KYNU: variants seen among roughly 807,000 people sequenced by gnomAD.
The protein encoded by KYNU is L-kynurenine hydrolase.
A neutral mutation model predicts 59.2 loss-of-function variants in KYNU; 54 were observed. The observed-to-expected ratio is 0.91, with a 90% CI of 0.73 to 1.14. The LOEUF is 1.14. Ranked by LOEUF, KYNU falls within the 50% of genes most tolerant of loss-of-function variation. The pLI is 0.00. For missense variants in KYNU, 567 were observed against 554.4 expected, an observed-to-expected ratio of 1.02 and a Z score of -0.23; for synonymous variants, 177 against 192.0, an observed-to-expected ratio of 0.92 and a Z score of 0.65.
intron 10 of KYNU, among the ~76,000 whole-genome samples, chr2:142,993,534 T>C (rs964633684): frequency 1.3e-5 from 2 of 152,040 alleles, no homozygotes; most frequent in Non-Finnish European, 2.9e-5. Context: ...ATCTGTGGAA[T>C]CATGACATAC....
At chr2:142,912,371 C>CTTTTTTTTTT (rs60854220) in intron 2 of KYNU, among the ~76,000 whole-genome samples, 41 of 89,520 alleles carry the variant, frequency 4.6e-4, no homozygotes, top group Non-Finnish European at 6.4e-4. Context: ...TTTTGTATTT[C>CTTTTTTTTTT]TTTTTTTTTT....
intron 10 of KYNU, among the ~76,000 whole-genome samples, chr2:143,022,685 A>G (rs1195956826): frequency 6.6e-6 from 1 of 151,948 alleles, no homozygotes; most frequent in Non-Finnish European, 1.5e-5. Flanking sequence ...TATTTCTCCT[A>G]TTAAAATCTA....
intron 10 of KYNU, among the ~76,000 whole-genome samples, chr2:142,995,413 G>T (rs1421617230): frequency 6.6e-6 from 1 of 152,034 alleles, no homozygotes; most frequent in Non-Finnish European, 1.5e-5. Flanking sequence ...ATTTACAGAT[G>T]GGTGGGCAAA....
In KYNU at chr2:142,994,110, T is replaced by G. The variant is rs1403765502; in HGVS notation, c.902+8089T>G. 2.0e-5 allele frequency among the ~76,000 whole-genome samples: 3 copies of G among 152,110 alleles called. No homozygotes were observed. In the East Asian group the frequency reaches 5.8e-4, roughly 30 times the overall value. ...TATTTTTTTTTCTTACTATTAATCG[T>G]GAAGAGCTATTGCTACATTTTCATG... On this transcript the variant is annotated intron_variant, in intron 10 of 13. Coordinates refer to ENST00000264170, the MANE Select transcript of KYNU (RefSeq NM_003937.3).
At position 143,052,139 on chromosome 2, in the gene KYNU, A is replaced by G. The variant is rs1311057676; in HGVS notation, c.*9967A>G. On this transcript the variant is annotated 3_prime_UTR_variant, in exon 14 of 14. Transcript: ENST00000264170. ...ACTGGAGGCATTTTGCCCCTGCCCT[A>G]GAGATTTGTGGGACATTAAACTTGA... 4 of 152,248 alleles carry G rather than the reference A, an allele frequency of 2.6e-5. No homozygotes were observed. The highest frequency in any genetic ancestry group is 2.4e-5 in the African/African-American group (1 of 41,472). The allele number at this position is 152,248 out of a possible 1,614,324, so 9.4% of individuals were successfully genotyped here. A position where few individuals can be genotyped will look rare whatever the true frequency, so the allele number is the denominator to read the frequency against.
intron 8 of KYNU, among the ~76,000 whole-genome samples, chr2:142,961,275 CTTTTTTTT>C (rs1156276566): frequency 3.2e-5 from 3 of 94,436 alleles, no homozygotes; most frequent in Admixed American, 1.2e-4. Context: ...ATTTAAACTG[CTTTTTTTT>C]TTTTTTTTTT....
At chr2:142,952,769 C>T (rs1328657464) in intron 4 of KYNU, among the ~76,000 whole-genome samples, 1 of 152,108 alleles carries the variant, frequency 6.6e-6, no homozygotes, top group Non-Finnish European at 1.5e-5. Context: ...CAGAAAGCCT[C>T]CTTTTTCCTG....
chr2:143,042,365 G>C lies in KYNU; in HGVS notation c.*193G>C. 2 of 551,514 alleles carry C rather than the reference G, an allele frequency of 3.6e-6. No individual in the cohort carries two copies. The highest frequency in any genetic ancestry group is 6.3e-6 in the Non-Finnish European group (2 of 319,412). 34.2% of individuals were successfully genotyped at this position (551,514 alleles called of 1,614,324 possible). On this transcript the variant is annotated 3_prime_UTR_variant, in exon 14 of 14. Coordinates refer to ENST00000264170, the MANE Select transcript of KYNU (RefSeq NM_003937.3). ...ACTAAGGAGTCCACAGGGCTGCCTA[G>C]GTGCTTTGTGTTTGGGGGACCAAAA...
intron 10 of KYNU, among the ~76,000 whole-genome samples, chr2:143,019,082 A>T (rs1686338177): frequency 6.6e-6 from 1 of 152,096 alleles, no homozygotes; most frequent in South Asian, 2.1e-4. Context: ...ATCAGTTAAG[A>T]GAGATAATTT....
At chr2:143,013,865 C>G (rs1686181191) in intron 10 of KYNU, among the ~76,000 whole-genome samples, 1 of 152,190 alleles carries the variant, frequency 6.6e-6, no homozygotes, top group Admixed American at 6.5e-5. Context: ...TGTGCTTGTA[C>G]CCTTTTGGTC....
chr2:142,925,699 G>C (rs1280854186), intron 3 of KYNU, among the ~76,000 whole-genome samples: 1 of 152,090 alleles, frequency 6.6e-6, no homozygotes, highest in Non-Finnish European at 1.5e-5. Context: ...AATTTCTGTT[G>C]GTAGTATGAA....
Position 142,918,630 on chromosome 2 carries a change from A to T in KYNU, c.191A>T (p.Lys64Ile). 1 of 1,604,638 alleles carries T rather than the reference A, an allele frequency of 6.2e-7. No individual in the cohort carries two copies. The highest frequency in any genetic ancestry group is 8.5e-7 in the Non-Finnish European group (1 of 1,175,034). Residue 64 changes from lysine to isoleucine, a missense_variant, in exon 3 of 14, where the codon AAA (lysine) becomes ATA (isoleucine). Lys to Ile is a moderately radical substitution (Grantham distance 102). Coordinates refer to ENST00000264170, the MANE Select transcript of KYNU (RefSeq NM_003937.3). ...LPPVDLSLVN[K>I]DENAIYFLGN... ...TCAGTTGATTTATCATTAGTGAATA[A>T]AGATGAAAATGCCATCTATTTCTTG... is the stretch of plus-strand genomic sequence containing the variant.
chr2:142,977,065 A>G (rs1359119431), intron 8 of KYNU, among the ~76,000 whole-genome samples: 1 of 152,066 alleles, frequency 6.6e-6, no homozygotes, highest in African/African-American at 2.4e-5. Context: ...TAGAATGTAA[A>G]TATTTCTTAT....
rs1354305507 is a variant in KYNU at position 142,933,176 on chromosome 2, G to A, written c.373+5435G>A. Among the ~76,000 whole-genome samples, 4 of 152,204 alleles carry A rather than the reference G, an allele frequency of 2.6e-5. No individual in the cohort carries two copies. The East Asian group carries it at 5.8e-4, about 22-fold the overall frequency. On this transcript the variant is annotated intron_variant, in intron 4 of 13. Transcript: ENST00000264170. ...TGCCGCCAATGGTCGGAGGCAGGCAGGCCATCCAAGAACTGAGGCTTTAAG... is the reference window on the plus strand; with the variant it reads ...TGCCGCCAATGGTCGGAGGCAGGCAAGCCATCCAAGAACTGAGGCTTTAAG...
At chr2:143,041,914 TA>T in intron 13 of KYNU, 132 bp from the exon 14 acceptor site, 3 of 839,410 alleles carry the variant, frequency 3.6e-6, no homozygotes, top group East Asian at 2.8e-5. Flanking sequence ...TGTTTTAAAG[TA>T]AAAAAATTTT....
intron 10 of KYNU, among the ~76,000 whole-genome samples, chr2:142,994,109 G>A (rs144734666): frequency 9.9e-5 from 15 of 151,828 alleles, no homozygotes; most frequent in Admixed American, 2.6e-4. Context: ...ACTATTAATC[G>A]TGAAGAGCTA....
At chr2:142,994,958 C>T (rs1437259698) in intron 10 of KYNU, among the ~76,000 whole-genome samples, 2 of 152,022 alleles carry the variant, frequency 1.3e-5, no homozygotes, top group Non-Finnish European at 2.9e-5. Context: ...TCCATGAAAA[C>T]TAGCTACAGA....
chr2:142,938,861 A>G (rs1200340368), intron 4 of KYNU, among the ~76,000 whole-genome samples: 1 of 152,148 alleles, frequency 6.6e-6, no homozygotes, highest in Non-Finnish European at 1.5e-5. Context: ...AGTGGCTCAC[A>G]CCTGTAGTTC....
At chr2:142,898,000 C>T (rs1681939624) in intron 2 of KYNU, among the ~76,000 whole-genome samples, 1 of 152,098 alleles carries the variant, frequency 6.6e-6, no homozygotes, top group Non-Finnish European at 1.5e-5. Flanking sequence ...TTCCTGGACT[C>T]AATCGATCCT....
Sources: allele counts gnomAD v4.1 joint callset (sites outside exome capture counted in the v4.1 genomes callset), GRCh38; gene constraint gnomAD v4.1.1; transcripts MANE v1.5; gene names NCBI Gene and HGNC (gene_info 2026-07-23, HGNC 2026-07-21).